ELOC: variants seen among roughly 807,000 people sequenced by gnomAD.
The protein encoded by ELOC is elongin C.
For synonymous variants in ELOC, 40 were observed against 51.3 expected (o/e 0.78, Z 0.94); for missense variants, 38 against 139.0 (o/e 0.27, Z 3.65).
At chr8:73,952,379 C>T (rs559558027) in intron 3 of ELOC, among the ~76,000 whole-genome samples, 1 of 151,250 alleles carries the variant, frequency 6.6e-6, no homozygotes, top group Non-Finnish European at 1.5e-5. Context: ...TGCACTCCAG[C>T]CTGGGTGACA....
chr8:73,953,158 T>G (rs1021893893), intron 3 of ELOC, among the ~76,000 whole-genome samples: 5 of 151,688 alleles, frequency 3.3e-5, no homozygotes, highest in East Asian at 2.0e-4. Flanking sequence ...TACAAAAAAT[T>G]AGTTTGGCAT....
chr8:73,959,730 T>C, intron 2 of ELOC, 35 bp downstream of exon 2: 3 of 1,512,984 alleles, frequency 2.0e-6, no homozygotes, highest in Non-Finnish European at 2.7e-6. Context: ...CAGTTTCTAC[T>C]AGTTAAAACA....
chr8:73,971,032 C>CAAAAAAAAAAAAAAAAAA (rs67188912), intron 1 of ELOC, among the ~76,000 whole-genome samples: 5 of 62,036 alleles, frequency 8.1e-5, no homozygotes, highest in Non-Finnish European at 1.5e-4. Flanking sequence ...GACTCCGTCT[C>CAAAAAAAAAAAAAAAAAA]AAAAAAAAAA....
intron 3 of ELOC, among the ~76,000 whole-genome samples, chr8:73,949,745 TGCAAACAG>T (rs1262041030): frequency 2.0e-5 from 3 of 152,230 alleles, no homozygotes; most frequent in Non-Finnish European, 4.4e-5. Context: ...CTCCTTTTCA[TGCAAACAG>T]TAGTTTGAGG....
intron 1 of ELOC, among the ~76,000 whole-genome samples, chr8:73,968,820 A>T (rs1383262778): frequency 1.3e-5 from 2 of 152,172 alleles, no homozygotes; most frequent in African/African-American, 2.4e-5. Flanking sequence ...TTCTTATCAA[A>T]TTTCAACTAC....
intron 3 of ELOC, 70 bp from the exon 4 acceptor site, chr8:73,946,890 A>C: frequency 7.7e-7 from 1 of 1,303,948 alleles, no homozygotes; most frequent in Non-Finnish European, 1.1e-6. Context: ...TTGAAGTCTT[A>C]ACCCCTTGTA....
chr8:73,962,324 G>C (rs995997114), intron 1 of ELOC, among the ~76,000 whole-genome samples: 2 of 152,168 alleles, frequency 1.3e-5, no homozygotes, highest in African/African-American at 4.8e-5. Context: ...TTAAACCTAG[G>C]TAGGTCTGAC....
chr8:73,962,599 G>A (rs994203772), intron 1 of ELOC, among the ~76,000 whole-genome samples: 16 of 151,230 alleles, frequency 1.1e-4, no homozygotes, highest in South Asian at 2.1e-4. Flanking sequence ...AAACAAATGC[G>A]AGAAAGCTTG....
chr8:73,963,761 G>C (rs1189866814), intron 1 of ELOC, among the ~76,000 whole-genome samples: 2 of 152,094 alleles, frequency 1.3e-5, no homozygotes, highest in Admixed American at 1.3e-4. Context: ...TGGAAAAATA[G>C]CAGAAAAAAG....
chr8:73,955,850 T>G, intron 3 of ELOC, 61 bp downstream of exon 3: 1 of 1,502,038 alleles, frequency 6.7e-7, no homozygotes, highest in Non-Finnish European at 9.1e-7. Flanking sequence ...TAATTCAACT[T>G]AAAAACATCC....
intron 2 of ELOC, among the ~76,000 whole-genome samples, chr8:73,959,446 ATTTT>A (rs553337140): frequency 6.6e-6 from 1 of 152,112 alleles, no homozygotes; most frequent in Admixed American, 6.6e-5. Flanking sequence ...TTCTTTTTAA[ATTTT>A]TTTGTTAAAA....
At chr8:73,969,266 T>G (rs1021992766) in intron 1 of ELOC, among the ~76,000 whole-genome samples, 1 of 152,256 alleles carries the variant, frequency 6.6e-6, no homozygotes, top group African/African-American at 2.4e-5. Flanking sequence ...CACTGCTGTT[T>G]ACCCAGATTC....
chr8:73,949,186 C>A (rs936323629), intron 3 of ELOC, among the ~76,000 whole-genome samples: 3 of 152,146 alleles, frequency 2.0e-5, no homozygotes, highest in Non-Finnish European at 2.9e-5. Flanking sequence ...AAAATATATA[C>A]AAAATGCCTT....
intron 1 of ELOC, among the ~76,000 whole-genome samples, chr8:73,970,832 T>C (rs1170854661): frequency 8.4e-5 from 12 of 143,642 alleles, no homozygotes; most frequent in Non-Finnish European, 6.0e-5. Flanking sequence ...CTGACCAACA[T>C]GGTGAAACCC....
chr8:73,947,821 T>TG (rs1813480735), intron 3 of ELOC, among the ~76,000 whole-genome samples: 1 of 152,054 alleles, frequency 6.6e-6, no homozygotes, highest in African/African-American at 2.4e-5. Flanking sequence ...GTGATCCCCC[T>TG]GCCTCAGAAT....
chr8:73,953,047 G>A (rs1323593214), intron 3 of ELOC, among the ~76,000 whole-genome samples: 1 of 152,170 alleles, frequency 6.6e-6, no homozygotes, highest in East Asian at 1.9e-4. Flanking sequence ...GCTCACGTCT[G>A]TAATCCCAGC....
chr8:73,951,263 G>A lies in ELOC; in HGVS notation c.149-4443C>T, dbSNP rs564190258. 1.3e-4 allele frequency among the ~76,000 whole-genome samples: 20 copies of A among 152,188 alleles called. No homozygotes were observed. In the South Asian group the frequency reaches 4.1e-3, roughly 32 times the overall value. On this transcript the variant is annotated intron_variant, in intron 3 of 3. Transcript: ENST00000520242. Reference sequence around the variant, plus strand: ...CTCCAGCCTGTGAGATAGAGCGAAAGACTGGCAAAATGTTAATAACTATTG... The same window carrying A: ...CTCCAGCCTGTGAGATAGAGCGAAAAACTGGCAAAATGTTAATAACTATTG...
chr8:73,968,569 G>A (rs1314030411), intron 1 of ELOC, among the ~76,000 whole-genome samples: 1 of 152,204 alleles, frequency 6.6e-6, no homozygotes, highest in African/African-American at 2.4e-5. Context: ...AAAATAAACT[G>A]AAACCAATCA....
intron 3 of ELOC, among the ~76,000 whole-genome samples, chr8:73,954,924 C>T (rs1453462923): frequency 1.3e-5 from 2 of 149,646 alleles, no homozygotes; most frequent in African/African-American, 4.9e-5. Flanking sequence ...ATCCCAGCTA[C>T]TCGGGAGGCT....
Sources: allele counts gnomAD v4.1 joint callset (sites outside exome capture counted in the v4.1 genomes callset), GRCh38; gene constraint gnomAD v4.1.1; transcripts MANE v1.5; gene names NCBI Gene and HGNC (gene_info 2026-07-23, HGNC 2026-07-21).